The following PPM1L variants were observed in gnomAD, a reference collection of about 807,000 sequenced individuals.
The protein encoded by PPM1L is protein phosphatase, Mg2+/Mn2+ dependent 1L, also known as protein phosphatase 1L.
A neutral mutation model predicts 31.4 loss-of-function variants in PPM1L; 13 were observed. The ratio of observed to expected loss-of-function variants is 0.41; its 90% CI spans 0.27 to 0.66. The LOEUF is 0.66. Ranked by LOEUF, PPM1L falls within the 30% of genes least tolerant of loss-of-function variation. The pLI, the probability that PPM1L is intolerant of heterozygous loss-of-function variation, is 0.29. For synonymous variants in PPM1L, 184 were observed against 175.4 expected (o/e 1.05, Z -0.39); for missense variants, 326 against 453.7 (o/e 0.72, Z 2.56).
chr3:160,897,167 C>A (rs141754534), intron 1 of PPM1L, among the ~76,000 whole-genome samples: 4 of 151,722 alleles, frequency 2.6e-5, no homozygotes, highest in Non-Finnish European at 5.9e-5. Context: ...CTCAGCCTCC[C>A]GAGCAGCCAG....
chr3:160,920,737 C>A (rs1339251290), intron 1 of PPM1L, among the ~76,000 whole-genome samples: 2 of 151,524 alleles, frequency 1.3e-5, no homozygotes, highest in African/African-American at 4.9e-5. Flanking sequence ...ATGAGGGAAG[C>A]TTTATTTCAA....
intron 2 of PPM1L, among the ~76,000 whole-genome samples, chr3:160,980,821 G>GTAGAAGGGAGGGAGGGAAGGAAGC (rs1559912452): frequency 2.6e-5 from 4 of 151,614 alleles, no homozygotes; most frequent in Admixed American, 2.6e-4. Context: ...GGGAAGGAAG[G>GTAGAAGGGAGGGAGGGAAGGAAGC]TAGAAGGAAG....
chr3:160,850,790 A>G (rs889642348), intron 1 of PPM1L, among the ~76,000 whole-genome samples: 5 of 151,898 alleles, frequency 3.3e-5, no homozygotes, highest in Admixed American at 3.3e-4. Context: ...CCAGCTCTCA[A>G]TCTGCAGCTC....
chr3:160,875,155 A>G (rs927846196), intron 1 of PPM1L, among the ~76,000 whole-genome samples: 3 of 152,198 alleles, frequency 2.0e-5, no homozygotes, highest in African/African-American at 7.2e-5. Context: ...TGTAACACCT[A>G]AATTCTAATC....
At chr3:160,761,654 A>G (rs1560100359) in intron 1 of PPM1L, among the ~76,000 whole-genome samples, 1 of 151,976 alleles carries the variant, frequency 6.6e-6, no homozygotes, top group Non-Finnish European at 1.5e-5. Flanking sequence ...CCTACACTCA[A>G]TTTTCCTTTA....
intron 1 of PPM1L, among the ~76,000 whole-genome samples, chr3:160,873,989 G>T (rs567306524): frequency 1.2e-4 from 19 of 152,200 alleles, no homozygotes; most frequent in African/African-American, 4.6e-4. Context: ...ATTGTAGAGG[G>T]CTATTAATTT....
intron 2 of PPM1L, among the ~76,000 whole-genome samples, chr3:160,989,813 C>T (rs1717072745): frequency 6.6e-6 from 1 of 152,036 alleles, no homozygotes. Context: ...GCATACCCCA[C>T]TATGCCCAGC....
In PPM1L at chr3:160,997,700, C is replaced by T. The variant is rs77501849; in HGVS notation, c.574+35790C>T. On this transcript the variant is annotated intron_variant, in intron 2 of 3. Coordinates refer to ENST00000498165, the MANE Select transcript of PPM1L (RefSeq NM_139245.4). ...AAAATTCCAGGTCTTGGTAGCTGGC[C>T]TCATTCTGGCTCTAAAATTCTTTTG... 5.8e-3 allele frequency among the ~76,000 whole-genome samples: 884 copies of T among 152,184 alleles called. 3 individuals carry two copies. Among genetic ancestry groups the T allele is most frequent in the African/African-American group, 0.021 (856 of 41,520 alleles).
At chr3:161,011,250 C>A (rs987987062) in intron 2 of PPM1L, among the ~76,000 whole-genome samples, 1 of 152,180 alleles carries the variant, frequency 6.6e-6, no homozygotes, top group Non-Finnish European at 1.5e-5. Context: ...GCCAGTTTTC[C>A]CAGCACCGTT....
intron 1 of PPM1L, among the ~76,000 whole-genome samples, chr3:160,876,956 T>A (rs1237766339): frequency 6.6e-6 from 1 of 152,106 alleles, no homozygotes; most frequent in Non-Finnish European, 1.5e-5. Context: ...AGGCTAAGAA[T>A]CCCCAACAAC....
At chr3:160,767,641 T>A (rs958137847) in intron 1 of PPM1L, among the ~76,000 whole-genome samples, 1 of 152,180 alleles carries the variant, frequency 6.6e-6, no homozygotes, top group African/African-American at 2.4e-5. Flanking sequence ...TTTTCAACAT[T>A]ATTGTTGCAA....
At chr3:161,047,630 A>T (rs1406231600) in intron 2 of PPM1L, among the ~76,000 whole-genome samples, 5 of 152,120 alleles carry the variant, frequency 3.3e-5, no homozygotes, top group Admixed American at 6.5e-5. Context: ...CATTGCCAAG[A>T]CAATCCTAAG....
chr3:160,923,650 C>T (rs190354557), intron 1 of PPM1L, among the ~76,000 whole-genome samples: 3 of 152,192 alleles, frequency 2.0e-5, no homozygotes, highest in East Asian at 1.9e-4. Context: ...AGTAGTTAAC[C>T]GTAAGAAAAT....
intron 2 of PPM1L, among the ~76,000 whole-genome samples, chr3:161,038,365 A>G (rs1479859062): frequency 6.6e-6 from 1 of 151,958 alleles, no homozygotes; most frequent in African/African-American, 2.4e-5. Flanking sequence ...AGGCTGGAGT[A>G]CAGTGGCACA....
intron 1 of PPM1L, among the ~76,000 whole-genome samples, chr3:160,922,169 G>A (rs936069060): frequency 1.3e-5 from 2 of 152,098 alleles, no homozygotes; most frequent in Admixed American, 6.6e-5. Flanking sequence ...AATTAGCCGG[G>A]CGTGGTGGCA....
chr3:161,033,201 C>T (rs991528423), intron 2 of PPM1L, among the ~76,000 whole-genome samples: 19 of 152,068 alleles, frequency 1.2e-4, no homozygotes, highest in African/African-American at 4.3e-4. Context: ...AGGACACAAA[C>T]AAATGGAAAA....
chr3:160,765,867 GTTAAT>G (rs1715089529), intron 1 of PPM1L, among the ~76,000 whole-genome samples: 1 of 151,564 alleles, frequency 6.6e-6, no homozygotes, highest in Admixed American at 6.6e-5. Flanking sequence ...TGCATATATT[GTTAAT>G]TTTAAGCAGC....
At chr3:161,040,941 G>A (rs1345081515) in intron 2 of PPM1L, among the ~76,000 whole-genome samples, 2 of 152,164 alleles carry the variant, frequency 1.3e-5, no homozygotes, top group African/African-American at 4.8e-5. Flanking sequence ...ATTTGCATCT[G>A]TAAAGAATCT....
chr3:160,929,718 C>T (rs1343795831), intron 1 of PPM1L, among the ~76,000 whole-genome samples: 2 of 152,236 alleles, frequency 1.3e-5, no homozygotes, highest in Non-Finnish European at 2.9e-5. Context: ...GAGGTCCTTT[C>T]ACTGCTCCAG....
Sources: gnomAD v4.1 joint callset for allele counts (sites outside exome capture counted in the v4.1 genomes callset) on GRCh38, gnomAD v4.1.1 for gene constraint, MANE v1.5 for transcripts, NCBI Gene and HGNC (gene_info 2026-07-23, HGNC 2026-07-21) for gene names.